Variants in PRP4K observed in about 807,000 individuals in gnomAD.
PRP4K encodes pre-mRNA processing factor kinase PRP4K.
At chr6:4,049,001 C>T in the PRP4K span, 5 of 1,598,966 alleles carry the variant, frequency 3.1e-6, no homozygotes, top group African/African-American at 1.3e-5. Flanking sequence ...GTTCATGTTG[C>T]CTCTTTAATT....
At chr6:4,039,558 T>C in the PRP4K span, among the ~76,000 whole-genome samples, 1 of 152,192 alleles carries the variant, frequency 6.6e-6, no homozygotes, top group Non-Finnish European at 1.5e-5. Flanking sequence ...CGAGTCTGGC[T>C]GTTTATAAAG....
chr6:4,026,879 C>T, the PRP4K span, among the ~76,000 whole-genome samples: 3 of 152,112 alleles, frequency 2.0e-5, no homozygotes, highest in Admixed American at 6.5e-5. Flanking sequence ...GAGAAAGTGA[C>T]GTTTTAGCAA....
chr6:4,056,353 C>T, the PRP4K span: 2 of 1,613,570 alleles, frequency 1.2e-6, no homozygotes, highest in African/African-American at 1.3e-5. Context: ...TAAAGCTTTG[C>T]GATTTTGGGT....
the PRP4K span, among the ~76,000 whole-genome samples, chr6:4,043,381 C>T: frequency 2.0e-5 from 3 of 151,966 alleles, no homozygotes; most frequent in Non-Finnish European, 4.4e-5. Context: ...TACCTCCAAC[C>T]CTTGGGGCCA....
chr6:4,044,057 T>A, the PRP4K span: 1 of 1,590,228 alleles, frequency 6.3e-7, no homozygotes, highest in South Asian at 1.1e-5. Context: ...CGCTTTTCTC[T>A]GAATTGTTAG....
the PRP4K span, among the ~76,000 whole-genome samples, chr6:4,055,968 T>C: frequency 6.6e-6 from 1 of 152,240 alleles, no homozygotes; most frequent in Non-Finnish European, 1.5e-5. Context: ...GTTATAAAAC[T>C]TGACTTTATT....
chr6:4,028,736 A>T, the PRP4K span, among the ~76,000 whole-genome samples: 1 of 152,130 alleles, frequency 6.6e-6, no homozygotes, highest in Non-Finnish European at 1.5e-5. Flanking sequence ...TCCAAAAATC[A>T]AAGTTCTTTG....
At chr6:4,038,691 T>G in the PRP4K span, among the ~76,000 whole-genome samples, 2 of 152,130 alleles carry the variant, frequency 1.3e-5, no homozygotes, top group Non-Finnish European at 2.9e-5. Context: ...GAGCAAATAG[T>G]TGGGAGAGGA....
At chr6:4,047,678 G>C in the PRP4K span, among the ~76,000 whole-genome samples, 151 of 152,216 alleles carry the variant, frequency 9.9e-4, 1 homozygote, top group Admixed American at 3.7e-3. Context: ...ATGTTATAAG[G>C]AGTAGATTAA....
the PRP4K span, among the ~76,000 whole-genome samples, chr6:4,040,471 ATTCAAG>A: frequency 4.6e-5 from 7 of 152,182 alleles, no homozygotes; most frequent in Non-Finnish European, 8.8e-5. Context: ...TAGAGCTTAT[ATTCAAG>A]TTCAAGTTCA....
chr6:4,024,658 A>G, the PRP4K span, among the ~76,000 whole-genome samples: 3 of 152,142 alleles, frequency 2.0e-5, no homozygotes, highest in African/African-American at 7.2e-5. Flanking sequence ...GCTGGAGTGC[A>G]GTAGCGCAAT....
At chr6:4,038,518 C>T in the PRP4K span, among the ~76,000 whole-genome samples, 1 of 151,700 alleles carries the variant, frequency 6.6e-6, no homozygotes, top group South Asian at 2.1e-4. Flanking sequence ...GTCTCGAACT[C>T]CTGACCCCAA....
the PRP4K span, among the ~76,000 whole-genome samples, chr6:4,022,430 AC>A: frequency 6.6e-5 from 10 of 151,174 alleles, no homozygotes; most frequent in Non-Finnish European, 1.0e-4. Flanking sequence ...AATGGATTTT[AC>A]GGCAATGTTC....
chr6:4,023,866 CA>C, the PRP4K span, among the ~76,000 whole-genome samples: 4 of 124,670 alleles, frequency 3.2e-5, no homozygotes, highest in Admixed American at 1.8e-4. Flanking sequence ...ACACCATGCC[CA>C]GCTAATTTTT....
chr6:4,058,514 A>G, the PRP4K span, among the ~76,000 whole-genome samples: 1 of 152,246 alleles, frequency 6.6e-6, no homozygotes, highest in African/African-American at 2.4e-5. Flanking sequence ...TGCCTGGACA[A>G]ATATAATTTC....
chr6:4,052,935 G>A, the PRP4K span: 10 of 1,422,302 alleles, frequency 7.0e-6, no homozygotes, highest in Non-Finnish European at 8.5e-6. Flanking sequence ...CTTACTAGCA[G>A]TAATATTATT....
chr6:4,023,171 T>G, the PRP4K span, among the ~76,000 whole-genome samples: 1 of 152,222 alleles, frequency 6.6e-6, no homozygotes, highest in Non-Finnish European at 1.5e-5. Context: ...TGCCTGGTGC[T>G]CATAGTGAGT....
chr6:4,035,828 G>A, the PRP4K span, among the ~76,000 whole-genome samples: 4 of 152,038 alleles, frequency 2.6e-5, no homozygotes, highest in East Asian at 1.9e-4. Context: ...TTAGCTGGAC[G>A]TGGTTGCTCA....
the PRP4K span, chr6:4,056,919 T>G: frequency 2.6e-6 from 3 of 1,145,696 alleles, no homozygotes; most frequent in Non-Finnish European, 3.7e-6. Flanking sequence ...AACTAAGGCA[T>G]GAAGATTGTG....
Sources: allele counts gnomAD v4.1 joint callset (sites outside exome capture counted in the v4.1 genomes callset), GRCh38; gene constraint gnomAD v4.1.1; transcripts MANE v1.5; gene names NCBI Gene and HGNC (gene_info 2026-07-23, HGNC 2026-07-21).